Variants in DOP1B observed in about 807,000 individuals in gnomAD.
DOP1B encodes the protein protein DOP1B.
Under a neutral mutation model 233.5 loss-of-function variants are expected in DOP1B, and 174 were observed. The ratio of observed to expected loss-of-function variants is 0.75; its 90% CI spans 0.66 to 0.85. The LOEUF (loss-of-function observed/expected upper bound fraction) is 0.85, where lower values mean the gene tolerates loss of function less well. Among genes scored for constraint, DOP1B ranks in the 40% least tolerant of loss-of-function variants. DOP1B has a pLI of 0.00. For synonymous variants in DOP1B, 1,190 were observed against 1,185.6 expected (o/e 1.00, Z -0.08); for missense variants, 2,652 against 2,846.6 (o/e 0.93, Z 1.56).
chr21:36,160,136 AT>A (rs745918373), intron 1 of DOP1B, among the ~76,000 whole-genome samples: 8 of 65,454 alleles, frequency 1.2e-4, no homozygotes, highest in South Asian at 4.1e-4. Flanking sequence ...GGAAAAAATA[AT>A]AATAATAATA....
At position 36,210,654 on chromosome 21, in the gene DOP1B, C is replaced by G. The variant is rs541187816; in HGVS notation, c.682-899C>G. Among the ~76,000 whole-genome samples, 4 of 150,658 alleles carry G rather than the reference C, an allele frequency of 2.7e-5. No homozygotes were observed. The South Asian group carries it at 8.4e-4, about 32-fold the overall frequency. ...AGCGAGACTCTGTCTGAAAAACAAA[C>G]AAAAAAAATTAGCAGAGCATGGTGG... On this transcript the variant is annotated intron_variant, in intron 5 of 36. Coordinates refer to ENST00000691173, the MANE Select transcript of DOP1B (RefSeq NM_001320714.2).
chr21:36,253,436 C>T (rs757440568), intron 22 of DOP1B, among the ~76,000 whole-genome samples: 13 of 152,154 alleles, frequency 8.5e-5, no homozygotes, highest in Non-Finnish European at 1.2e-4. Context: ...ACAGGCCGGG[C>T]GCGGTGGCGG....
chr21:36,229,480 T>C (rs988164247), intron 13 of DOP1B, among the ~76,000 whole-genome samples: 1 of 152,112 alleles, frequency 6.6e-6, no homozygotes, highest in African/African-American at 2.4e-5. Flanking sequence ...CTCTCCTTTT[T>C]ATAAATCCAG....
chr21:36,245,802 C>T lies in DOP1B; in HGVS notation c.3822C>T (p.His1274=), dbSNP rs1397639618. The change falls in exon 19 of 37, where the codon CAC becomes CAT. Residue 1274 remains histidine, a synonymous_variant. Coordinates refer to ENST00000691173, the MANE Select transcript of DOP1B (RefSeq NM_001320714.2). This position sits in a 1 kb window ranked among gnomAD's most constrained non-coding sequence, Gnocchi z 5.5. The stretch of plus-strand genomic sequence containing the variant: ...GCATGGATACCAGCTCCACCGCGCA[C>T]CTCAACCTCATCTCCAACCTCCTCG... ...RTSMDTSSTA[H]LNLISNLLAR... is the part of the protein sequence containing the mutation. 2 of 1,613,990 alleles carry T rather than the reference C, an allele frequency of 1.2e-6. No homozygotes were observed. Among genetic ancestry groups the T allele is most frequent in the Admixed American group, 3.3e-5 (2 of 59,998 alleles).
intron 18 of DOP1B, among the ~76,000 whole-genome samples, chr21:36,242,981 CTT>C (rs35476479): frequency 7.7e-4 from 98 of 127,134 alleles, no homozygotes; most frequent in Non-Finnish European, 8.6e-4. Flanking sequence ...TTCTTCTTTT[CTT>C]TTTTTTTTTT....
At chr21:36,244,327 G>A (rs975105612) in intron 18 of DOP1B, among the ~76,000 whole-genome samples, 1 of 151,926 alleles carries the variant, frequency 6.6e-6, no homozygotes, top group South Asian at 2.1e-4. Context: ...ACCACACCCA[G>A]CCTCCAGTTT....
chr21:36,231,153 G>T lies in DOP1B; in HGVS notation c.2350+19G>T. ...CTGCCAGGTGAGAGGCAGCCCTGCCGAAGTCCCTCTTTGGGAATCATACGA... is the reference window on the plus strand; with the variant it reads ...CTGCCAGGTGAGAGGCAGCCCTGCCTAAGTCCCTCTTTGGGAATCATACGA... On this transcript the variant is annotated intron_variant, in intron 14 of 36. Transcript: ENST00000691173. The T allele has an allele frequency of 6.4e-7, 1 of 1,558,072 alleles. No individual in the cohort carries two copies. The highest frequency in any genetic ancestry group is 1.4e-5 in the African/African-American group (1 of 73,720).
At chr21:36,166,101 C>T (rs1227602885) in intron 2 of DOP1B, among the ~76,000 whole-genome samples, 2 of 151,804 alleles carry the variant, frequency 1.3e-5, no homozygotes, top group African/African-American at 2.4e-5. Flanking sequence ...ACCAACCATG[C>T]GCCCTCCCAC....
intron 4 of DOP1B, among the ~76,000 whole-genome samples, chr21:36,206,436 A>G (rs1374958458): frequency 2.0e-5 from 3 of 151,922 alleles, no homozygotes; most frequent in Non-Finnish European, 4.4e-5. Context: ...AGGCTGAGGC[A>G]GGAAAATTGA....
chr21:36,291,874 T>TA (rs1232430954), intron 35 of DOP1B, among the ~76,000 whole-genome samples: 1 of 152,010 alleles, frequency 6.6e-6, no homozygotes, highest in Non-Finnish European at 1.5e-5. Flanking sequence ...CTCAAGGGTA[T>TA]AGGGGGTTGG....
At position 36,245,640 on chromosome 21, in the gene DOP1B, C is replaced by G. The variant is rs372389778; in HGVS notation, c.3660C>G (p.Ala1220=). 48 of 1,613,310 alleles carry G rather than the reference C, an allele frequency of 3.0e-5. No individual in the cohort carries two copies. The highest frequency in any genetic ancestry group is 1.6e-4 in the Middle Eastern group (1 of 6,082). ...AGCAGCAGCGGGAAAGGCAGGAGGC[C>G]GTCGAGGCCTTGTTCAAGCACATCC... The part of the protein sequence containing the change: ...LLKQQRERQE[A]VEALFKHILL... The change falls in exon 19 of 37, where the codon GCC becomes GCG. Residue 1220 remains alanine, a synonymous_variant. Coordinates refer to ENST00000691173, the MANE Select transcript of DOP1B (RefSeq NM_001320714.2). This position sits in a 1 kb window ranked among gnomAD's most constrained non-coding sequence, Gnocchi z 5.5.
At chr21:36,244,222 A>G (rs2066927498) in intron 18 of DOP1B, among the ~76,000 whole-genome samples, 2 of 151,602 alleles carry the variant, frequency 1.3e-5, no homozygotes, top group South Asian at 4.2e-4. Flanking sequence ...GAGTTTCTCC[A>G]TGTTGGCCAG....
intron 3 of DOP1B, among the ~76,000 whole-genome samples, chr21:36,199,787 T>C (rs1489171697): frequency 2.0e-5 from 3 of 152,224 alleles, no homozygotes; most frequent in African/African-American, 7.2e-5. Flanking sequence ...TATGGCTACA[T>C]AGTATTCCAT....
chr21:36,186,408 T>C (rs545200553), intron 2 of DOP1B, among the ~76,000 whole-genome samples: 2 of 152,030 alleles, frequency 1.3e-5, no homozygotes, highest in South Asian at 2.1e-4. Flanking sequence ...CATGTATGCA[T>C]GTGTAGAGGG....
chr21:36,289,341 CG>C, intron 35 of DOP1B, 135 bp downstream of exon 35: 1 of 890,642 alleles, frequency 1.1e-6, no homozygotes, highest in Admixed American at 2.9e-5. Flanking sequence ...TAAGCCAGCT[CG>C]GAATACCAAG....
At chr21:36,238,291 G>T (rs114718786) in intron 16 of DOP1B, among the ~76,000 whole-genome samples, 15 of 152,270 alleles carry the variant, frequency 9.9e-5, no homozygotes, top group South Asian at 6.2e-4. Flanking sequence ...AGACACTTGG[G>T]CCTGACACTT....
At chr21:36,167,874 T>C (rs2065928402) in intron 2 of DOP1B, among the ~76,000 whole-genome samples, 1 of 152,046 alleles carries the variant, frequency 6.6e-6, no homozygotes, top group African/African-American at 2.4e-5. Flanking sequence ...TTACCTTCCT[T>C]TTTACAGCTG....
chr21:36,161,269 C>T lies in DOP1B; in HGVS notation c.-26-3439C>T, dbSNP rs546341702. 7.6e-4 allele frequency among the ~76,000 whole-genome samples: 116 copies of T among 152,214 alleles called. 2 individuals are homozygous for T. Among genetic ancestry groups the T allele is most frequent in the Admixed American group, 6.7e-3 (103 of 15,284 alleles). On this transcript the variant is annotated intron_variant, in intron 1 of 36. Transcript: ENST00000691173. Reference sequence around the variant, plus strand: ...CCAGTGATTCTCCCGCCTCAGCCTCCTGAATAGCTGGGATTACAGCCACCA... The same window carrying T: ...CCAGTGATTCTCCCGCCTCAGCCTCTTGAATAGCTGGGATTACAGCCACCA...
chr21:36,202,893 C>G (rs1227646621), intron 4 of DOP1B, among the ~76,000 whole-genome samples: 1 of 152,134 alleles, frequency 6.6e-6, no homozygotes, highest in Non-Finnish European at 1.5e-5. Flanking sequence ...CCAATGGACT[C>G]CTAATCCCAG....
Sources: gnomAD v4.1 joint callset for allele counts (sites outside exome capture counted in the v4.1 genomes callset) on GRCh38, gnomAD v4.1.1 for gene constraint, Gnocchi (gnomAD v3.1) non-coding constraint, MANE v1.5 for transcripts, NCBI Gene and HGNC (gene_info 2026-07-23, HGNC 2026-07-21) for gene names.